The following SYTL2 variants were observed in gnomAD, a reference collection of about 807,000 sequenced individuals.
SYTL2 encodes the protein synaptotagmin-like protein 2.
In SYTL2, 165 loss-of-function variants were observed where a neutral mutation model predicts 198.7. The observed-to-expected ratio is 0.83, with a 90% CI of 0.73 to 0.94. The LOEUF (loss-of-function observed/expected upper bound fraction) is 0.94, where lower values mean the gene tolerates loss of function less well. Among genes scored for constraint, SYTL2 ranks in the 40% least tolerant of loss-of-function variants. The probability of loss-of-function intolerance (pLI) is 0.00; values close to 1 mark genes in which losing one functional copy is unlikely to be tolerated. For synonymous variants in SYTL2, 966 were observed against 917.7 expected (o/e 1.05, Z -0.95); for missense variants, 2,835 against 2,582.8 (o/e 1.10, Z -2.12).
At chr11:85,848,275 A>C in the SYTL2 span, among the ~76,000 whole-genome samples, 1 of 151,904 alleles carries the variant, frequency 6.6e-6, no homozygotes, top group Admixed American at 6.6e-5. Context: ...AAAAGAAAAA[A>C]AAAAAACCAA....
chr11:85,763,983 C>A (rs1004178492), intron 1 of SYTL2, among the ~76,000 whole-genome samples: 2 of 152,202 alleles, frequency 1.3e-5, no homozygotes, highest in African/African-American at 4.8e-5. Flanking sequence ...CTCCAGTGTA[C>A]CAGCCCGATG....
chr11:85,812,074 C>T (rs1199023491), upstream of SYTL2, among the ~76,000 whole-genome samples: 1 of 151,910 alleles, frequency 6.6e-6, no homozygotes, highest in Non-Finnish European at 1.5e-5. Context: ...ACCACTGCAC[C>T]CCATCCTGGG....
At chr11:85,822,219 G>C in the SYTL2 span, among the ~76,000 whole-genome samples, 1 of 152,156 alleles carries the variant, frequency 6.6e-6, no homozygotes, top group Admixed American at 6.5e-5. Context: ...TGAGTCTCAG[G>C]TGTAAGCAGA....
chr11:85,720,778 C>A lies in SYTL2; in HGVS notation c.5428+80G>T, dbSNP rs752964994. ...TTAGAGGGTGCAGTGCACAACAGCA[C>A]GCAGTGAGGCTACAGGAGAGCACAT... On this transcript the variant is annotated intron_variant, in intron 9 of 19. Transcript: ENST00000359152. 6.2e-6 allele frequency: 6 copies of A among 973,798 alleles called. No homozygotes were observed. The South Asian group carries it at 7.9e-5, about 13-fold the overall frequency. The allele number at this position is 973,798 out of a possible 1,614,324, so 60.3% of individuals were successfully genotyped here. A position where few individuals can be genotyped will look rare whatever the true frequency, so the allele number is the denominator to read the frequency against.
chr11:85,851,563 C>A, the SYTL2 span, among the ~76,000 whole-genome samples: 1 of 152,196 alleles, frequency 6.6e-6, no homozygotes, highest in East Asian at 1.9e-4. Context: ...CATGGCAAGG[C>A]TAACAGAAAA....
intron 1 of SYTL2, among the ~76,000 whole-genome samples, chr11:85,809,848 G>C (rs531146020): frequency 6.6e-6 from 1 of 152,310 alleles, no homozygotes; most frequent in African/African-American, 2.4e-5. Flanking sequence ...CCACACTAAG[G>C]GTGAGAAGGG....
At chr11:85,753,244 G>A (rs1322977120) in intron 2 of SYTL2, among the ~76,000 whole-genome samples, 2 of 152,272 alleles carry the variant, frequency 1.3e-5, no homozygotes, top group East Asian at 3.9e-4. Context: ...AGGGCAGCAG[G>A]AGAGAAGACA....
Position 85,724,956 on chromosome 11 carries a change from CA to C in SYTL2, c.4401del (p.Ile1467MetfsTer17). 1 of 1,613,698 alleles carries C rather than the reference CA, an allele frequency of 6.2e-7. No individual in the cohort carries two copies. Among genetic ancestry groups the C allele is most frequent in the Non-Finnish European group, 8.5e-7 (1 of 1,179,854 alleles). ...SDQTLSSFAS[I>X]VAQYGKGLPQ... ...GGGAGGCCTTTGCCATATTGAGCAA[CA>C]ATGGAAGCAAATGAGCTAAGCGTCT... On this transcript the variant is annotated frameshift_variant, in exon 8 of 20. Transcript: ENST00000359152. LOFTEE classifies it high-confidence loss of function.
intron 9 of SYTL2, chr11:85,719,524 C>A (rs1243050896): frequency 1.2e-5 from 2 of 171,066 alleles, no homozygotes; most frequent in African/African-American, 4.9e-5. Flanking sequence ...TTCTTTTTTT[C>A]TTTTTCTCAA....
At chr11:85,711,016 A>C (rs2086171222) in intron 13 of SYTL2, 97 bp downstream of exon 13, 2 of 1,337,702 alleles carry the variant, frequency 1.5e-6, no homozygotes, top group Non-Finnish European at 2.0e-6. Context: ...GTGCCCTGAG[A>C]AATACAGGAG....
chr11:85,714,324 G>T, intron 12 of SYTL2, 89 bp downstream of exon 12: 1 of 1,054,992 alleles, frequency 9.5e-7, no homozygotes, highest in Non-Finnish European at 1.5e-6. Context: ...TTTGATCTCT[G>T]CCACAGTGGA....
intron 4 of SYTL2, among the ~76,000 whole-genome samples, chr11:85,742,627 G>A (rs188374447): frequency 1.8e-4 from 28 of 152,170 alleles, no homozygotes; most frequent in African/African-American, 5.8e-4. Context: ...CATGATCGAC[G>A]GGCTTATCTT....
intron 1 of SYTL2, among the ~76,000 whole-genome samples, chr11:85,804,819 G>C (rs150966362): frequency 6.6e-6 from 1 of 152,154 alleles, no homozygotes; most frequent in Non-Finnish European, 1.5e-5. Context: ...AACAGCAGTA[G>C]ATCTATCATA....
chr11:85,784,062 T>C (rs1028811969), intron 1 of SYTL2, among the ~76,000 whole-genome samples: 3 of 152,192 alleles, frequency 2.0e-5, no homozygotes, highest in African/African-American at 7.2e-5. Flanking sequence ...CATGTGCCCA[T>C]GGCAGGCTTC....
At chr11:85,823,764 T>C in the SYTL2 span, among the ~76,000 whole-genome samples, 2 of 152,202 alleles carry the variant, frequency 1.3e-5, no homozygotes, top group South Asian at 2.1e-4. Context: ...AAAGAAAATA[T>C]TGATGCAAAG....
the SYTL2 span, among the ~76,000 whole-genome samples, chr11:85,832,839 A>T: frequency 4.6e-5 from 7 of 150,994 alleles, no homozygotes; most frequent in East Asian, 1.9e-4. Context: ...AAAAAAAAAA[A>T]ATTTTAATTA....
At chr11:85,738,998 C>T (rs1217543362) in intron 4 of SYTL2, among the ~76,000 whole-genome samples, 1 of 152,136 alleles carries the variant, frequency 6.6e-6, no homozygotes, top group East Asian at 1.9e-4. Flanking sequence ...TCCCTACCTC[C>T]TAGAGATGAG....
intron 9 of SYTL2, among the ~76,000 whole-genome samples, chr11:85,720,049 G>C (rs1469258539): frequency 6.6e-6 from 1 of 152,126 alleles, no homozygotes; most frequent in Non-Finnish European, 1.5e-5. Flanking sequence ...TAGTCCATTT[G>C]TCTAGCACAC....
chr11:85,726,102 A>C lies in SYTL2; in HGVS notation c.3256T>G (p.Ser1086Ala). 1 of 1,613,618 alleles carries C rather than the reference A, an allele frequency of 6.2e-7. No individual in the cohort carries two copies. ...TTCTTTTCCACATTTTCCTTTGATG[A>C]CTCATTTCCTGGCAACTGATAAGTA... ...KYTYQLPGNE[S>A]SKENVEKNTE... is the part of the protein sequence containing the mutation. Residue 1086 changes from serine (S) to alanine (A), a missense_variant, in exon 8 of 20, where the codon TCA becomes GCA. Physicochemically the swap from Ser to Ala is moderately conservative, Grantham distance 99 (BLOSUM62 1). This residue lies in a region of SYTL2 where 2,645 missense variants were observed against 2,381.7 expected (regional missense o/e 1.11). Transcript: ENST00000359152.
Sources: gnomAD v4.1 joint callset for allele counts (sites outside exome capture counted in the v4.1 genomes callset) on GRCh38, gnomAD v4.1.1 for gene constraint, gnomAD v4.1.1 regional missense constraint, MANE v1.5 for transcripts, NCBI Gene and HGNC (gene_info 2026-07-23, HGNC 2026-07-21) for gene names.